EML4: variants seen among roughly 807,000 people sequenced by gnomAD.
EML4 encodes the protein echinoderm microtubule-associated protein-like 4.
In EML4, 72 loss-of-function variants were observed where a neutral mutation model predicts 129.0. The observed-to-expected ratio is 0.56, with a 90% CI of 0.46 to 0.68. The LOEUF is 0.68. Ranked by LOEUF, EML4 falls within the 30% of genes least tolerant of loss-of-function variation. The probability of loss-of-function intolerance (pLI) is 0.00; values close to 1 mark genes in which losing one functional copy is unlikely to be tolerated. For synonymous variants in EML4, 532 were observed against 405.0 expected, an observed-to-expected ratio of 1.31 and a Z score of -3.77; for missense variants, 1,363 against 1,190.6, an observed-to-expected ratio of 1.14 and a Z score of -2.13.
chr2:42,178,423 A>G (rs1670740533), intron 1 of EML4, among the ~76,000 whole-genome samples: 2 of 151,652 alleles, frequency 1.3e-5, no homozygotes, highest in South Asian at 4.2e-4. Context: ...GTGGTGGTGC[A>G]TGCCCAGCTC....
At chr2:42,220,940 A>G (rs771422500) in intron 1 of EML4, among the ~76,000 whole-genome samples, 7 of 152,336 alleles carry the variant, frequency 4.6e-5, no homozygotes, top group South Asian at 2.1e-4. Flanking sequence ...CTTCATTTCT[A>G]TGAAAGCTGA....
intron 1 of EML4, among the ~76,000 whole-genome samples, chr2:42,179,897 G>A (rs569922427): frequency 3.3e-5 from 5 of 152,136 alleles, no homozygotes; most frequent in Non-Finnish European, 5.9e-5. Context: ...CACCACACCC[G>A]GCCATATGTG....
At chr2:42,267,885 A>T (rs978412956) in intron 6 of EML4, among the ~76,000 whole-genome samples, 4 of 152,218 alleles carry the variant, frequency 2.6e-5, no homozygotes, top group African/African-American at 7.2e-5. Flanking sequence ...TTAAAATTTG[A>T]ATAAGTTCCA....
intron 1 of EML4, among the ~76,000 whole-genome samples, chr2:42,190,832 T>C (rs1326980120): frequency 6.6e-6 from 1 of 152,252 alleles, no homozygotes; most frequent in Non-Finnish European, 1.5e-5. Context: ...GCTTTATTTA[T>C]GGACACTGAA....
chr2:42,224,126 T>G (rs763593001), intron 1 of EML4, among the ~76,000 whole-genome samples: 2 of 152,128 alleles, frequency 1.3e-5, no homozygotes, highest in East Asian at 3.8e-4. Flanking sequence ...TTTTAATATA[T>G]TCACAGAGTT....
intron 7 of EML4, among the ~76,000 whole-genome samples, chr2:42,281,510 A>G (rs988284048): frequency 2.0e-5 from 3 of 152,226 alleles, no homozygotes; most frequent in African/African-American, 7.2e-5. Flanking sequence ...CATCATGGCA[A>G]GTACTTGCTA....
At chr2:42,200,153 CA>C (rs11421705) in intron 1 of EML4, among the ~76,000 whole-genome samples, 8,919 of 84,452 alleles carry the variant, frequency 0.11, 797 homozygotes, top group African/African-American at 0.3. Context: ...ACTAAAAATA[CA>C]AAAAAAAAAA....
chr2:42,187,123 A>G (rs1320227516), intron 1 of EML4, among the ~76,000 whole-genome samples: 1 of 151,556 alleles, frequency 6.6e-6, no homozygotes, highest in Non-Finnish European at 1.5e-5. Context: ...ATTTTACTGT[A>G]ACGTCCAATT....
chr2:42,201,037 ACTTTTAAGTT>A (rs1198033121), intron 1 of EML4, among the ~76,000 whole-genome samples: 2 of 152,186 alleles, frequency 1.3e-5, no homozygotes, highest in South Asian at 2.1e-4. Context: ...GAAGTATAGT[ACTTTTAAGTT>A]CTTTTAAGTG....
rs2103733480 is a variant in EML4 at position 42,304,565 on chromosome 2, G to T, written c.1967+14G>T. ...GCACTCAGGCAGGTAGGGTCTTTAA[G>T]TGAACTGAGTAATCTGAAGTGGTGG... On this transcript the variant is annotated intron_variant, in intron 17 of 22. Coordinates refer to ENST00000318522, the MANE Select transcript of EML4 (RefSeq NM_019063.5). 6.3e-7 allele frequency: 1 copy of T among 1,599,274 alleles called. No individual in the cohort carries two copies. Among genetic ancestry groups the T allele is most frequent in the Admixed American group, 1.7e-5 (1 of 59,990 alleles).
rs56661877 is a variant in EML4 at position 42,329,550 on chromosome 2, G to A, written c.2473-184G>A. Among the ~76,000 whole-genome samples the A allele has an allele frequency of 0.18, 27,003 of 151,970 alleles. 3,386 individuals carry two copies. The highest frequency in any genetic ancestry group is 0.35 in the African/African-American group (14,492 of 41,386). ...AATTCTTCTGTTTCGTTTTTCCTAT[G>A]TAAAGTGATAATAAAAGGAAATAAC... On this transcript the variant is annotated intron_variant, in intron 22 of 22. Coordinates refer to ENST00000318522, the MANE Select transcript of EML4 (RefSeq NM_019063.5).
At chr2:42,182,974 C>G (rs1183059671) in intron 1 of EML4, among the ~76,000 whole-genome samples, 3 of 152,070 alleles carry the variant, frequency 2.0e-5, no homozygotes, top group Admixed American at 6.6e-5. Flanking sequence ...CCCCCCACAG[C>G]CCACTGCCTG....
At chr2:42,278,606 C>G (rs1412244908) in intron 6 of EML4, among the ~76,000 whole-genome samples, 4 of 137,986 alleles carry the variant, frequency 2.9e-5, no homozygotes, top group South Asian at 2.4e-4. Flanking sequence ...AAAAAAAATC[C>G]ATCAGTTGAG....
chr2:42,299,661 T>C (rs1435397090), intron 13 of EML4, among the ~76,000 whole-genome samples: 1 of 152,198 alleles, frequency 6.6e-6, no homozygotes, highest in Admixed American at 6.5e-5. Context: ...TATGACTTGC[T>C]TCTTTCACTT....
At chr2:42,263,082 G>T in intron 4 of EML4, 96 bp from the exon 5 acceptor site, 1 of 1,033,570 alleles carries the variant, frequency 9.7e-7, no homozygotes. Flanking sequence ...TAGCTTTAAG[G>T]AAATGTTAAT....
chr2:42,220,926 C>T (rs1022833035), intron 1 of EML4, among the ~76,000 whole-genome samples: 1 of 152,184 alleles, frequency 6.6e-6, no homozygotes, highest in Non-Finnish European at 1.5e-5. Flanking sequence ...AAGGCTCTAA[C>T]TCTCTTCATT....
At chr2:42,299,291 A>C (rs1668140556) in intron 13 of EML4, among the ~76,000 whole-genome samples, 1 of 152,226 alleles carries the variant, frequency 6.6e-6, no homozygotes, top group Non-Finnish European at 1.5e-5. Flanking sequence ...TTAGGATACC[A>C]AAGCCTTAGA....
chr2:42,255,714 A>C (rs1192442603), intron 2 of EML4, among the ~76,000 whole-genome samples: 1 of 152,182 alleles, frequency 6.6e-6, no homozygotes, highest in Non-Finnish European at 1.5e-5. Context: ...CTTCTAATTC[A>C]TTCAATCTAA....
At chr2:42,309,026 C>T (rs757854014) in intron 17 of EML4, among the ~76,000 whole-genome samples, 1 of 152,152 alleles carries the variant, frequency 6.6e-6, no homozygotes, top group African/African-American at 2.4e-5. Context: ...CTGCTACATA[C>T]ATTCATACAT....
Sources: allele counts gnomAD v4.1 joint callset (sites outside exome capture counted in the v4.1 genomes callset), GRCh38; gene constraint gnomAD v4.1.1; transcripts MANE v1.5; gene names NCBI Gene and HGNC (gene_info 2026-07-23, HGNC 2026-07-21).